The following DMRT1 variants were observed in gnomAD, a reference collection of about 807,000 sequenced individuals.
DMRT1 encodes the protein doublesex and mab-3 related transcription factor 1, also known as doublesex- and mab-3-related transcription factor 1.
In DMRT1, 7 loss-of-function variants were observed where a neutral mutation model predicts 32.3. The ratio of observed to expected loss-of-function variants is 0.22; its 90% CI spans 0.12 to 0.41. DMRT1 has a LOEUF of 0.41. Among genes scored for constraint, DMRT1 ranks in the 10% least tolerant of loss-of-function variants. The probability of loss-of-function intolerance (pLI) is 1.00; values close to 1 mark genes in which losing one functional copy is unlikely to be tolerated. For missense variants in DMRT1, 625 were observed against 500.5 expected (o/e 1.25, Z -2.37); for synonymous variants, 278 against 206.1 (o/e 1.35, Z -2.99).
At chr9:947,717 G>A (rs1248636791) in intron 4 of DMRT1, among the ~76,000 whole-genome samples, 1 of 152,028 alleles carries the variant, frequency 6.6e-6, no homozygotes, top group Non-Finnish European at 1.5e-5. Context: ...TCCGCCTCCC[G>A]ACCAACCCCT....
intron 2 of DMRT1, among the ~76,000 whole-genome samples, chr9:885,113 C>T (rs899148814): frequency 1.3e-5 from 2 of 152,184 alleles, no homozygotes; most frequent in Non-Finnish European, 2.9e-5. Context: ...ACTGCTCAAG[C>T]CTCTAGGGGA....
chr9:870,069 T>G (rs145615815), intron 2 of DMRT1, among the ~76,000 whole-genome samples: 1 of 152,226 alleles, frequency 6.6e-6, no homozygotes, highest in African/African-American at 2.4e-5. Context: ...AGTTGACCTT[T>G]TGGGGGCAAA....
At chr9:944,811 A>T (rs1819189414) in intron 4 of DMRT1, among the ~76,000 whole-genome samples, 1 of 152,168 alleles carries the variant, frequency 6.6e-6, no homozygotes, top group South Asian at 2.1e-4. Context: ...ATAAAATATT[A>T]CTATTCTATG....
intron 2 of DMRT1, among the ~76,000 whole-genome samples, chr9:890,369 C>G (rs1817098678): frequency 6.6e-6 from 1 of 152,058 alleles, no homozygotes; most frequent in Non-Finnish European, 1.5e-5. Context: ...ATCTCATTAG[C>G]TGGGAAGAGG....
At chr9:945,892 T>C (rs950453312) in intron 4 of DMRT1, among the ~76,000 whole-genome samples, 3 of 152,136 alleles carry the variant, frequency 2.0e-5, no homozygotes, top group East Asian at 1.9e-4. Context: ...CATGCAGATA[T>C]GTGTTTCTGT....
intron 2 of DMRT1, among the ~76,000 whole-genome samples, chr9:847,569 G>A (rs1838961083): frequency 6.6e-6 from 1 of 152,212 alleles, no homozygotes; most frequent in Admixed American, 6.5e-5. Context: ...GAATGAGCGG[G>A]AAGTAACACC....
intron 2 of DMRT1, among the ~76,000 whole-genome samples, chr9:853,921 G>A (rs1446691489): frequency 6.6e-6 from 1 of 151,608 alleles, no homozygotes; most frequent in South Asian, 2.1e-4. Context: ...TCAGCCTCCC[G>A]AGCAGTTAGG....
intron 4 of DMRT1, among the ~76,000 whole-genome samples, chr9:953,197 G>C (rs1273379547): frequency 3.3e-5 from 5 of 152,146 alleles, no homozygotes; most frequent in Non-Finnish European, 7.4e-5. Context: ...TAATGAAAGT[G>C]ATCTATCTAA....
intron 4 of DMRT1, among the ~76,000 whole-genome samples, chr9:932,816 C>T (rs377161621): frequency 1.3e-5 from 2 of 152,160 alleles, no homozygotes; most frequent in Middle Eastern, 3.2e-3. Flanking sequence ...TTTACTTACT[C>T]TAAGCAGTTT....
At chr9:887,662 T>C (rs1816984129) in intron 2 of DMRT1, among the ~76,000 whole-genome samples, 1 of 152,166 alleles carries the variant, frequency 6.6e-6, no homozygotes. Context: ...ATTATTCTCC[T>C]TTTTTTGAGT....
In DMRT1 at chr9:895,951, C is replaced by T. The variant is rs367993528; in HGVS notation, c.822+1756C>T. On this transcript the variant is annotated intron_variant, in intron 3 of 4. Coordinates refer to ENST00000382276, the MANE Select transcript of DMRT1 (RefSeq NM_021951.3). The stretch of plus-strand genomic sequence containing the variant: ...TCCCGAGTAGCTGGGACTACAGGCA[C>T]GCGCCACCAAGCCCAGCTAATTTTT... Among the ~76,000 whole-genome samples the T allele has an allele frequency of 5.3e-4, 81 of 151,720 alleles. No individual in the cohort carries two copies. In the South Asian group the frequency reaches 7.7e-3, roughly 14 times the overall value.
chr9:872,288 C>A (rs1226061024), intron 2 of DMRT1, among the ~76,000 whole-genome samples: 1 of 152,064 alleles, frequency 6.6e-6, no homozygotes, highest in Admixed American at 6.5e-5. Context: ...GTCTCGAACT[C>A]CTGACCTTGT....
intron 2 of DMRT1, among the ~76,000 whole-genome samples, chr9:886,762 T>G (rs1270376493): frequency 6.6e-6 from 1 of 152,212 alleles, no homozygotes; most frequent in African/African-American, 2.4e-5. Context: ...AGGTTTATCA[T>G]CAATTAATAG....
chr9:862,789 C>T (rs1478103655), intron 2 of DMRT1, among the ~76,000 whole-genome samples: 2 of 152,072 alleles, frequency 1.3e-5, no homozygotes, highest in African/African-American at 4.8e-5. Context: ...ACAGCGCAGC[C>T]AGCACTAGGT....
intron 4 of DMRT1, among the ~76,000 whole-genome samples, chr9:935,974 A>G (rs1051569091): frequency 6.6e-6 from 1 of 152,162 alleles, no homozygotes; most frequent in Non-Finnish European, 1.5e-5. Context: ...AAATATCCCA[A>G]AGTCGTTTTC....
At chr9:867,367 G>A (rs7867531) in intron 2 of DMRT1, among the ~76,000 whole-genome samples, 1,653 of 152,256 alleles carry the variant, frequency 0.011, 17 homozygotes, top group Middle Eastern at 0.061. Context: ...CCAGGAGAGC[G>A]GGCAGTGCTT....
chr9:896,095 T>C (rs58439518), intron 3 of DMRT1, among the ~76,000 whole-genome samples: 6,144 of 151,470 alleles, frequency 0.041, 179 homozygotes, highest in African/African-American at 0.085. Flanking sequence ...GAGCCACCAC[T>C]CCCAGCCGTA....
intron 2 of DMRT1, among the ~76,000 whole-genome samples, chr9:870,210 TAA>T: frequency 6.6e-6 from 1 of 152,168 alleles, no homozygotes; most frequent in East Asian, 1.9e-4. Context: ...CCAGCCTGGG[TAA>T]CACGGTGAAA....
At chr9:951,397 T>A (rs1050702276) in intron 4 of DMRT1, among the ~76,000 whole-genome samples, 1 of 152,174 alleles carries the variant, frequency 6.6e-6, no homozygotes, top group Non-Finnish European at 1.5e-5. Flanking sequence ...TCAGCAAGAA[T>A]GCGTCTTTTC....
Sources: gnomAD v4.1 joint callset for allele counts (sites outside exome capture counted in the v4.1 genomes callset) on GRCh38, gnomAD v4.1.1 for gene constraint, MANE v1.5 for transcripts, NCBI Gene and HGNC (gene_info 2026-07-23, HGNC 2026-07-21) for gene names.